ADAMTS19: variants seen among roughly 807,000 people sequenced by gnomAD.
The protein encoded by ADAMTS19 is A disintegrin and metalloproteinase with thrombospondin motifs 19.
Under a neutral mutation model 153.3 loss-of-function variants are expected in ADAMTS19, and 93 were observed. The ratio of observed to expected loss-of-function variants is 0.61; its 90% CI spans 0.51 to 0.72. The LOEUF is 0.72. Ranked by LOEUF, ADAMTS19 falls within the 30% of genes least tolerant of loss-of-function variation. ADAMTS19 has a pLI of 0.00. For synonymous variants in ADAMTS19, 600 were observed against 556.6 expected (o/e 1.08, Z -1.10); for missense variants, 1,482 against 1,552.1 (o/e 0.95, Z 0.76).
chr5:129,674,546 G>A (rs1157152702), intron 16 of ADAMTS19, among the ~76,000 whole-genome samples: 1 of 151,778 alleles, frequency 6.6e-6, no homozygotes, highest in Non-Finnish European at 1.5e-5. Context: ...TTGCTTATTA[G>A]CTATAATTCT....
At chr5:129,612,422 T>A (rs1257915776) in intron 8 of ADAMTS19, among the ~76,000 whole-genome samples, 1 of 152,012 alleles carries the variant, frequency 6.6e-6, no homozygotes, top group Non-Finnish European at 1.5e-5. Flanking sequence ...AACCCAGAAT[T>A]TCATATCCAG....
chr5:129,561,067 AAAATTAATAAAACATCAAATG>A (rs1209457656), intron 7 of ADAMTS19, among the ~76,000 whole-genome samples: 2 of 152,234 alleles, frequency 1.3e-5, no homozygotes, highest in African/African-American at 2.4e-5. Context: ...TGATTTATTT[AAAATTAATAAAACATCAAATG>A]TTAGCATAAA....
chr5:129,674,608 T>G (rs1056754490), intron 16 of ADAMTS19, among the ~76,000 whole-genome samples: 1 of 152,190 alleles, frequency 6.6e-6, no homozygotes, highest in Non-Finnish European at 1.5e-5. Context: ...TATTTTTAAC[T>G]TATTACAGCC....
chr5:129,572,417 G>A (rs1753942492), intron 7 of ADAMTS19, among the ~76,000 whole-genome samples: 1 of 151,876 alleles, frequency 6.6e-6, no homozygotes, highest in African/African-American at 2.4e-5. Flanking sequence ...TCCCACCCCT[G>A]AGCATTTACT....
chr5:129,629,796 G>T (rs939332678), intron 10 of ADAMTS19, among the ~76,000 whole-genome samples: 1 of 152,040 alleles, frequency 6.6e-6, no homozygotes, highest in Non-Finnish European at 1.5e-5. Flanking sequence ...GCATCTTGTG[G>T]CTGAGCCAGC....
At chr5:129,498,140 T>C (rs1036063703) in intron 2 of ADAMTS19, among the ~76,000 whole-genome samples, 1 of 152,116 alleles carries the variant, frequency 6.6e-6, no homozygotes, top group African/African-American at 2.4e-5. Flanking sequence ...TAACTGAGTT[T>C]GGCTTGTATG....
Position 129,507,917 on chromosome 5 carries a change from A to G in ADAMTS19, c.748-1160A>G, listed in dbSNP as rs939643335. On this transcript the variant is annotated intron_variant, in intron 2 of 22. Coordinates refer to ENST00000274487, the MANE Select transcript of ADAMTS19 (RefSeq NM_133638.6). The stretch of plus-strand genomic sequence containing the variant: ...ACCCTCGATTTACTTTATTTGGTAC[A>G]GAATGCAATGAGGTAGAATATTGGC... 2.0e-5 allele frequency among the ~76,000 whole-genome samples: 3 copies of G among 152,122 alleles called. No homozygotes were observed. In the East Asian group the frequency reaches 5.8e-4, roughly 29 times the overall value.
At chr5:129,478,738 C>A (rs577478535) in intron 2 of ADAMTS19, among the ~76,000 whole-genome samples, 3 of 152,076 alleles carry the variant, frequency 2.0e-5, no homozygotes, top group African/African-American at 7.2e-5. Flanking sequence ...GATGAGGGGT[C>A]TCTCTGTATT....
rs375501924 is a variant in ADAMTS19 at position 129,689,272 on chromosome 5, C to A, written c.2818+4999C>A. The stretch of plus-strand genomic sequence containing the variant: ...CCTGGGATCCTCTAGACACTGCTTC[C>A]CTTGTCCATATCCAGATCATAAGTA... On this transcript the variant is annotated intron_variant, in intron 18 of 22. Coordinates refer to ENST00000274487, the MANE Select transcript of ADAMTS19 (RefSeq NM_133638.6). Among the ~76,000 whole-genome samples, 10 of 152,266 alleles carry A rather than the reference C, an allele frequency of 6.6e-5. No individual in the cohort carries two copies. The South Asian group carries it at 2.1e-3, about 32-fold the overall frequency.
chr5:129,601,411 A>G (rs1021906682), intron 8 of ADAMTS19, among the ~76,000 whole-genome samples: 2 of 152,192 alleles, frequency 1.3e-5, no homozygotes, highest in African/African-American at 4.8e-5. Context: ...CTTTATGAAC[A>G]ACAGGTTGTT....
Position 129,702,941 on chromosome 5 carries a change from AATATATATATAT to A in ADAMTS19, c.3160-1278_3160-1267del, listed in dbSNP as rs59614056. Among the ~76,000 whole-genome samples, 117 of 29,312 alleles carry A rather than the reference AATATATATATAT, an allele frequency of 4.0e-3. 3 individuals carry two copies. The highest frequency in any genetic ancestry group is 9.4e-3 in the African/African-American group (110 of 11,736). The allele number at this position is 29,312 out of a possible 152,430, so 19.2% of individuals were successfully genotyped here. A position where few individuals can be genotyped will look rare whatever the true frequency, so the allele number is the denominator to read the frequency against. ...TAGTTTGACTTGCCAAAAAAAAAAA[AATATATATATAT>A]ATATATATATATATATATACAAATA... is the stretch of plus-strand genomic sequence containing the variant. On this transcript the variant is annotated intron_variant, in intron 20 of 22. Coordinates refer to ENST00000274487, the MANE Select transcript of ADAMTS19 (RefSeq NM_133638.6).
chr5:129,543,244 G>T (rs1376704029), intron 6 of ADAMTS19, among the ~76,000 whole-genome samples: 2 of 151,756 alleles, frequency 1.3e-5, no homozygotes, highest in East Asian at 1.9e-4. Context: ...AGTAGAGACG[G>T]TTTCTCCATG....
At chr5:129,554,318 G>C (rs912514079) in intron 7 of ADAMTS19, among the ~76,000 whole-genome samples, 6 of 152,118 alleles carry the variant, frequency 3.9e-5, no homozygotes, top group African/African-American at 1.4e-4. Flanking sequence ...TGTTAGGAAA[G>C]GGTAACCCTA....
chr5:129,492,674 C>T (rs1750807721), intron 2 of ADAMTS19, among the ~76,000 whole-genome samples: 1 of 152,022 alleles, frequency 6.6e-6, no homozygotes, highest in Non-Finnish European at 1.5e-5. Flanking sequence ...TTTTGCTATA[C>T]TGCTTTAAAT....
At chr5:129,610,663 C>A (rs2126953086) in intron 8 of ADAMTS19, among the ~76,000 whole-genome samples, 1 of 152,230 alleles carries the variant, frequency 6.6e-6, no homozygotes, top group South Asian at 2.1e-4. Context: ...TGTATATGTG[C>A]CACATTTTCT....
At chr5:129,678,041 A>C (rs1754628436) in intron 16 of ADAMTS19, among the ~76,000 whole-genome samples, 1 of 152,060 alleles carries the variant, frequency 6.6e-6, no homozygotes, top group South Asian at 2.1e-4. Context: ...TTGAACTTGT[A>C]AACTCAAGCC....
intron 11 of ADAMTS19, among the ~76,000 whole-genome samples, chr5:129,642,921 A>C (rs1233241649): frequency 2.0e-5 from 3 of 152,186 alleles, no homozygotes; most frequent in Non-Finnish European, 2.9e-5. Flanking sequence ...ATGCACACAC[A>C]GATGCTTAGG....
At chr5:129,514,584 CTTCTT>C (rs1198378536) in intron 3 of ADAMTS19, among the ~76,000 whole-genome samples, 3 of 151,820 alleles carry the variant, frequency 2.0e-5, no homozygotes, top group Admixed American at 2.0e-4. Flanking sequence ...ATTTGTATGT[CTTCTT>C]TTGAGAAATG....
At chr5:129,555,377 T>C (rs1173144377) in intron 7 of ADAMTS19, among the ~76,000 whole-genome samples, 1 of 152,146 alleles carries the variant, frequency 6.6e-6, no homozygotes, top group Non-Finnish European at 1.5e-5. Context: ...ATGGACATTA[T>C]CTCATTTAAT....
Sources: allele counts gnomAD v4.1 joint callset (sites outside exome capture counted in the v4.1 genomes callset), GRCh38; gene constraint gnomAD v4.1.1; transcripts MANE v1.5; gene names NCBI Gene and HGNC (gene_info 2026-07-23, HGNC 2026-07-21).